Variants in SUCLG2 observed in about 807,000 individuals in gnomAD.
SUCLG2 encodes the protein succinate-CoA ligase GDP-forming subunit beta, also known as succinate--CoA ligase [GDP-forming] subunit beta, mitochondrial.
Under a neutral mutation model 47.9 loss-of-function variants are expected in SUCLG2, and 42 were observed. The ratio of observed to expected loss-of-function variants is 0.88; its 90% CI spans 0.69 to 1.14. The LOEUF is 1.14. Ranked by LOEUF, SUCLG2 falls within the 50% of genes most tolerant of loss-of-function variation. SUCLG2 has a pLI of 0.00. For missense variants in SUCLG2, 571 were observed against 525.9 expected (o/e 1.09, Z -0.84); for synonymous variants, 195 against 197.3 (o/e 0.99, Z 0.10).
intron 9 of SUCLG2, among the ~76,000 whole-genome samples, chr3:67,447,014 G>A (rs1214478468): frequency 1.3e-5 from 2 of 152,220 alleles, no homozygotes; most frequent in East Asian, 3.9e-4. Context: ...TTTGAAACAG[G>A]TTAAAATCAT....
intron 10 of SUCLG2, among the ~76,000 whole-genome samples, chr3:67,384,603 C>G (rs906050689): frequency 6.6e-6 from 1 of 152,174 alleles, no homozygotes; most frequent in Non-Finnish European, 1.5e-5. Context: ...CAGGTGAAGA[C>G]AAGAATCATC....
intron 10 of SUCLG2, chr3:67,376,637 AAC>A (rs760527561): frequency 1.4e-5 from 6 of 414,678 alleles, no homozygotes; most frequent in Non-Finnish European, 1.9e-5. Context: ...GGCCTTGGAG[AAC>A]TTGCCTTACC....
chr3:67,413,860 CCT>C (rs1290684137), intron 9 of SUCLG2, among the ~76,000 whole-genome samples: 1 of 152,144 alleles, frequency 6.6e-6, no homozygotes, highest in Non-Finnish European at 1.5e-5. Context: ...GACAAATGTC[CCT>C]GTTTGCAGAC....
intron 9 of SUCLG2, among the ~76,000 whole-genome samples, chr3:67,465,618 G>C (rs971386230): frequency 6.6e-6 from 1 of 152,198 alleles, no homozygotes; most frequent in Non-Finnish European, 1.5e-5. Flanking sequence ...GCTCCCAGCC[G>C]AGTAGGGGCA....
chr3:67,491,878 G>A (rs965452755), intron 9 of SUCLG2, among the ~76,000 whole-genome samples: 1 of 152,100 alleles, frequency 6.6e-6, no homozygotes, highest in African/African-American at 2.4e-5. Flanking sequence ...ACCCTCTGAG[G>A]TAAGTACTGC....
chr3:67,427,321 T>A (rs1426001155), intron 9 of SUCLG2, among the ~76,000 whole-genome samples: 1 of 152,166 alleles, frequency 6.6e-6, no homozygotes, highest in African/African-American at 2.4e-5. Flanking sequence ...AGAAACCAGG[T>A]CAGCAACTGA....
At chr3:67,377,555 C>T (rs1332441927) in intron 10 of SUCLG2, among the ~76,000 whole-genome samples, 1 of 152,200 alleles carries the variant, frequency 6.6e-6, no homozygotes, top group Non-Finnish European at 1.5e-5. Flanking sequence ...TGACAATCTC[C>T]AAAGGGACTC....
At chr3:67,446,920 C>A (rs921950104) in intron 9 of SUCLG2, among the ~76,000 whole-genome samples, 1 of 151,950 alleles carries the variant, frequency 6.6e-6, no homozygotes, top group Non-Finnish European at 1.5e-5. Flanking sequence ...TTAATGTAAT[C>A]CTTAATAAGA....
At chr3:67,468,901 G>C (rs1704536909) in intron 9 of SUCLG2, among the ~76,000 whole-genome samples, 2 of 152,168 alleles carry the variant, frequency 1.3e-5, no homozygotes, top group African/African-American at 4.8e-5. Flanking sequence ...ACAAGAAAGA[G>C]TATAATTTGA....
chr3:67,438,797 C>A (rs563149564), intron 9 of SUCLG2, among the ~76,000 whole-genome samples: 1 of 152,274 alleles, frequency 6.6e-6, no homozygotes, highest in East Asian at 1.9e-4. Context: ...CGGCCATATT[C>A]TACCAGAGGT....
chr3:67,571,182 G>A (rs1249189083), intron 2 of SUCLG2, among the ~76,000 whole-genome samples: 1 of 152,140 alleles, frequency 6.6e-6, no homozygotes, highest in East Asian at 1.9e-4. Flanking sequence ...CCCCACAGAA[G>A]AGAACATTTG....
chr3:67,539,190 T>C (rs1284465080), intron 2 of SUCLG2, among the ~76,000 whole-genome samples: 1 of 152,220 alleles, frequency 6.6e-6, no homozygotes, highest in African/African-American at 2.4e-5. Context: ...ATATTGGCTG[T>C]GGGTTTTTCA....
At chr3:67,560,257 G>C (rs1366145215) in intron 2 of SUCLG2, among the ~76,000 whole-genome samples, 2 of 152,108 alleles carry the variant, frequency 1.3e-5, no homozygotes, top group African/African-American at 4.8e-5. Context: ...CAATACAATA[G>C]TATCTTTTAA....
At chr3:67,514,851 T>C (rs1004080592) in intron 6 of SUCLG2, among the ~76,000 whole-genome samples, 1 of 152,214 alleles carries the variant, frequency 6.6e-6, no homozygotes, top group Non-Finnish European at 1.5e-5. Flanking sequence ...CTTCTAATTA[T>C]GATGTTCTTC....
At chr3:67,493,686 A>G (rs1705259611) in intron 9 of SUCLG2, among the ~76,000 whole-genome samples, 1 of 152,152 alleles carries the variant, frequency 6.6e-6, no homozygotes, top group African/African-American at 2.4e-5. Context: ...GTATTTTATT[A>G]CAATCGTCTG....
chr3:67,623,008 CACTTGTGGCACAAATAACTCTA>C (rs1417113895), intron 1 of SUCLG2, among the ~76,000 whole-genome samples: 1 of 152,210 alleles, frequency 6.6e-6, no homozygotes, highest in East Asian at 1.9e-4. Flanking sequence ...AGTCTCTGCT[CACTTGTGGCACAAATAACTCTA>C]GAAGTTGTTT....
At chr3:67,569,169 A>C (rs1707546266) in intron 2 of SUCLG2, among the ~76,000 whole-genome samples, 1 of 152,202 alleles carries the variant, frequency 6.6e-6, no homozygotes, top group Non-Finnish European at 1.5e-5. Context: ...AATTTCCTGC[A>C]AGATACATGG....
intron 2 of SUCLG2, among the ~76,000 whole-genome samples, chr3:67,533,919 G>A (rs1186184057): frequency 4.6e-5 from 7 of 151,096 alleles, no homozygotes; most frequent in Non-Finnish European, 1.0e-4. Context: ...TTTCAAATTT[G>A]GGACAGAGAG....
intron 2 of SUCLG2, among the ~76,000 whole-genome samples, chr3:67,571,913 G>T (rs1707622736): frequency 6.6e-6 from 1 of 152,136 alleles, no homozygotes. Flanking sequence ...CTTATGGGTG[G>T]CTTCCTTGTG....
Sources: gnomAD v4.1 joint callset for allele counts (sites outside exome capture counted in the v4.1 genomes callset) on GRCh38, gnomAD v4.1.1 for gene constraint, MANE v1.5 for transcripts, NCBI Gene and HGNC (gene_info 2026-07-23, HGNC 2026-07-21) for gene names.